The following CAMKMT variants were observed in gnomAD, a reference collection of about 807,000 sequenced individuals.
CAMKMT encodes the protein calmodulin-lysine N-methyltransferase.
CAMKMT carries 53 observed loss-of-function variants against 48.0 expected under a neutral mutation model. That is an observed-to-expected ratio of 1.10 (90% CI 0.89 to 1.39). The LOEUF is 1.39. Ranked by LOEUF, CAMKMT falls within the 40% of genes most tolerant of loss-of-function variation. CAMKMT has a pLI of 0.00. For synonymous variants in CAMKMT, 165 were observed against 152.3 expected, an observed-to-expected ratio of 1.08 and a Z score of -0.61; for missense variants, 428 against 402.7, an observed-to-expected ratio of 1.06 and a Z score of -0.54.
intron 3 of CAMKMT, among the ~76,000 whole-genome samples, chr2:44,405,125 C>T (rs1682692049): frequency 6.6e-6 from 1 of 152,046 alleles, no homozygotes; most frequent in African/African-American, 2.4e-5. Context: ...ATATTAAAAT[C>T]TATCTAAATA....
intron 2 of CAMKMT, among the ~76,000 whole-genome samples, chr2:44,379,165 A>G (rs572158039): frequency 2.6e-4 from 39 of 152,312 alleles, no homozygotes; most frequent in African/African-American, 9.4e-4. Context: ...GGAATCCTAC[A>G]ATATGTGGCC....
chr2:44,381,298 TAAA>T (rs1022079976), intron 2 of CAMKMT, among the ~76,000 whole-genome samples: 1 of 152,036 alleles, frequency 6.6e-6, no homozygotes, highest in African/African-American at 2.4e-5. Flanking sequence ...TTTTAGAAAT[TAAA>T]AAAAATTACC....
chr2:44,496,403 CTATT>C (rs1375491769), intron 3 of CAMKMT, among the ~76,000 whole-genome samples: 1 of 152,180 alleles, frequency 6.6e-6, no homozygotes, highest in Admixed American at 6.5e-5. Context: ...CACGGGCACC[CTATT>C]TATTATGTAT....
chr2:44,615,722 C>G (rs181696450), intron 3 of CAMKMT, among the ~76,000 whole-genome samples: 1 of 151,906 alleles, frequency 6.6e-6, no homozygotes, highest in Non-Finnish European at 1.5e-5. Flanking sequence ...GTTTTTTTAA[C>G]CACACCCTAT....
At chr2:44,649,703 G>A (rs550519552) in intron 3 of CAMKMT, among the ~76,000 whole-genome samples, 5 of 152,238 alleles carry the variant, frequency 3.3e-5, no homozygotes, top group Admixed American at 1.3e-4. Flanking sequence ...ATGGAAAACC[G>A]AACAAGTAAT....
intron 3 of CAMKMT, among the ~76,000 whole-genome samples, chr2:44,674,687 C>G (rs1344591109): frequency 1.3e-5 from 2 of 152,138 alleles, no homozygotes; most frequent in African/African-American, 4.8e-5. Flanking sequence ...AGGCCACATA[C>G]AAAGTTATAT....
At chr2:44,384,522 C>CTTT (rs1680580130) in intron 2 of CAMKMT, among the ~76,000 whole-genome samples, 218 of 66,904 alleles carry the variant, frequency 3.3e-3, no homozygotes, top group Middle Eastern at 9.1e-3. Flanking sequence ...TTTTTTTTTG[C>CTTT]ATTTGCTTTT....
At chr2:44,692,980 C>G (rs1317127329) in intron 3 of CAMKMT, among the ~76,000 whole-genome samples, 10 of 152,282 alleles carry the variant, frequency 6.6e-5, no homozygotes, top group African/African-American at 2.4e-4. Flanking sequence ...CTTATTCATG[C>G]CATAAACCTA....
intron 9 of CAMKMT, among the ~76,000 whole-genome samples, chr2:44,765,469 C>T (rs1483004868): frequency 6.6e-6 from 1 of 151,476 alleles, no homozygotes; most frequent in Non-Finnish European, 1.5e-5. Context: ...AGAGGCATTT[C>T]ACAGAGGTGA....
Position 44,489,371 on chromosome 2 carries a change from G to A in CAMKMT, c.376+99066G>A, listed in dbSNP as rs193073372. Reference sequence around the variant, plus strand: ...AGCAATTCTCCTGCCTAAGCCTCTTGAGTATTTGGGATTACAGGCACCCGC... The same window carrying A: ...AGCAATTCTCCTGCCTAAGCCTCTTAAGTATTTGGGATTACAGGCACCCGC... On this transcript the variant is annotated intron_variant, in intron 3 of 10. Coordinates refer to ENST00000378494, the MANE Select transcript of CAMKMT (RefSeq NM_024766.5). 2.7e-3 allele frequency among the ~76,000 whole-genome samples: 408 copies of A among 150,734 alleles called. 2 individuals are homozygous for A. The highest frequency in any genetic ancestry group is 9.4e-3 in the African/African-American group (385 of 40,928).
intron 3 of CAMKMT, among the ~76,000 whole-genome samples, chr2:44,541,373 T>C (rs1201773657): frequency 1.3e-5 from 2 of 152,238 alleles, no homozygotes; most frequent in Non-Finnish European, 2.9e-5. Flanking sequence ...CTTGGGGCTT[T>C]CAGAAGTCTT....
rs925783453 is a variant in CAMKMT, at chr2:44,610,995, A to T, written c.377-93288A>T. The stretch of plus-strand genomic sequence containing the variant: ...GTTAGTGGGCAGAATAAAGAGAAGT[A>T]GATAGAGAAGGGCTTATCAGAGCAA... On this transcript the variant is annotated intron_variant, in intron 3 of 10. Coordinates refer to ENST00000378494, the MANE Select transcript of CAMKMT (RefSeq NM_024766.5). Among the ~76,000 whole-genome samples, 4 of 152,336 alleles carry T rather than the reference A, an allele frequency of 2.6e-5. No individual in the cohort carries two copies. In the South Asian group the frequency reaches 8.3e-4, roughly 32 times the overall value.
intron 7 of CAMKMT, among the ~76,000 whole-genome samples, chr2:44,737,907 G>C (rs1573203341): frequency 6.6e-6 from 1 of 150,754 alleles, no homozygotes; most frequent in South Asian, 2.1e-4. Context: ...CCAGGCTGGA[G>C]TGCAGTGGTG....
At chr2:44,651,305 AC>A (rs879936098) in intron 3 of CAMKMT, among the ~76,000 whole-genome samples, 2 of 152,244 alleles carry the variant, frequency 1.3e-5, no homozygotes, top group Non-Finnish European at 2.9e-5. Flanking sequence ...CAACTGACTT[AC>A]GCATCCTTTT....
In CAMKMT at chr2:44,671,084, C is replaced by T. The variant is rs544072855; in HGVS notation, c.377-33199C>T. 5.9e-5 allele frequency among the ~76,000 whole-genome samples: 9 copies of T among 152,184 alleles called. No individual in the cohort carries two copies. The South Asian group carries it at 1.7e-3, about 28-fold the overall frequency. On this transcript the variant is annotated intron_variant, in intron 3 of 10. Transcript: ENST00000378494. Reference sequence around the variant, plus strand: ...AGTTAACAGGTAGCTTTTAGAATGGCCTAGTATTATTGATTAGCTGACTTT... The same window carrying T: ...AGTTAACAGGTAGCTTTTAGAATGGTCTAGTATTATTGATTAGCTGACTTT...
In CAMKMT at chr2:44,445,679, T is replaced by G. The variant is rs886771999; in HGVS notation, c.376+55374T>G. Among the ~76,000 whole-genome samples, 46 of 57,170 alleles carry G rather than the reference T, an allele frequency of 8.0e-4. 2 individuals are homozygous for G. The highest frequency in any genetic ancestry group is 2.4e-3 in the African/African-American group (35 of 14,880). The allele number at this position is 57,170 out of a possible 152,430, so 37.5% of individuals were successfully genotyped here. On this transcript the variant is annotated intron_variant, in intron 3 of 10. Coordinates refer to ENST00000378494, the MANE Select transcript of CAMKMT (RefSeq NM_024766.5). ...TTTTTTTTTTTTTTTTTTTTTTTTT[T>G]TTTTTTTTTTTTTTACCAGTTGGGC...
intron 3 of CAMKMT, among the ~76,000 whole-genome samples, chr2:44,568,959 T>A (rs1477135132): frequency 1.3e-5 from 2 of 152,086 alleles, no homozygotes; most frequent in African/African-American, 4.8e-5. Context: ...TTAGAAGCAA[T>A]GGTGGTGGTT....
intron 3 of CAMKMT, among the ~76,000 whole-genome samples, chr2:44,435,540 G>C (rs543400363): frequency 6.6e-6 from 1 of 152,254 alleles, no homozygotes; most frequent in East Asian, 1.9e-4. Flanking sequence ...GCCATGTTTT[G>C]CTTTGATGTT....
chr2:44,659,413 C>G (rs1674557409), intron 3 of CAMKMT, among the ~76,000 whole-genome samples: 1 of 151,638 alleles, frequency 6.6e-6, no homozygotes, highest in Non-Finnish European at 1.5e-5. Flanking sequence ...GGCAACAGAA[C>G]AAGACCCAGT....
Sources: allele counts gnomAD v4.1 joint callset (sites outside exome capture counted in the v4.1 genomes callset), GRCh38; gene constraint gnomAD v4.1.1; transcripts MANE v1.5; gene names NCBI Gene and HGNC (gene_info 2026-07-23, HGNC 2026-07-21).